The following GPC5 variants were observed in gnomAD, a reference collection of about 807,000 sequenced individuals.
GPC5 encodes glypican-5.
A neutral mutation model predicts 53.9 loss-of-function variants in GPC5; 47 were observed. The ratio of observed to expected loss-of-function variants is 0.87; its 90% CI spans 0.69 to 1.11. The LOEUF (loss-of-function observed/expected upper bound fraction) is 1.11, where lower values mean the gene tolerates loss of function less well. GPC5 is among the 50% of genes most tolerant of loss of function. The pLI is 0.00. For synonymous variants in GPC5, 286 were observed against 263.3 expected, an observed-to-expected ratio of 1.09 and a Z score of -0.84; for missense variants, 748 against 713.1, an observed-to-expected ratio of 1.05 and a Z score of -0.56.
chr13:92,645,774 A>G (rs1027924241), intron 7 of GPC5, among the ~76,000 whole-genome samples: 1 of 152,036 alleles, frequency 6.6e-6, no homozygotes, highest in Non-Finnish European at 1.5e-5. Flanking sequence ...TCCCCTGATG[A>G]TTAATAATTT....
intron 2 of GPC5, among the ~76,000 whole-genome samples, chr13:91,528,269 G>C (rs186496054): frequency 6.6e-6 from 1 of 152,138 alleles, no homozygotes; most frequent in African/African-American, 2.4e-5. Flanking sequence ...AAAAAGCCAG[G>C]TCACCTCTTA....
At chr13:92,524,231 A>T (rs886497204) in intron 7 of GPC5, among the ~76,000 whole-genome samples, 1 of 152,076 alleles carries the variant, frequency 6.6e-6, no homozygotes, top group Non-Finnish European at 1.5e-5. Context: ...TCCTAAGTTT[A>T]TGGAATATTC....
Position 92,476,371 on chromosome 13 carries a change from A to G in GPC5, c.1561+331382A>G, listed in dbSNP as rs1337287863. On this transcript the variant is annotated intron_variant, in intron 7 of 7. Coordinates refer to ENST00000377067, the MANE Select transcript of GPC5 (RefSeq NM_004466.6). ...ACCATCTCACACCAGTTAGAATGGC[A>G]ATCATTAAAAAGTCAGGAAACAACA... Among the ~76,000 whole-genome samples, 36 of 151,448 alleles carry G rather than the reference A, an allele frequency of 2.4e-4. 1 individual carries two copies. The South Asian group carries it at 6.7e-3, about 28-fold the overall frequency.
At chr13:92,542,804 A>G (rs1881973369) in intron 7 of GPC5, among the ~76,000 whole-genome samples, 1 of 151,978 alleles carries the variant, frequency 6.6e-6, no homozygotes, top group Admixed American at 6.6e-5. Flanking sequence ...TTAAATATAT[A>G]ATTCCATGTT....
chr13:92,295,472 A>G (rs2139189731), intron 7 of GPC5, among the ~76,000 whole-genome samples: 1 of 152,118 alleles, frequency 6.6e-6, no homozygotes, highest in East Asian at 1.9e-4. Flanking sequence ...CATGTGGTCC[A>G]TTTGTTCCAG....
chr13:91,538,580 A>T (rs1197392224), intron 2 of GPC5, among the ~76,000 whole-genome samples: 1 of 119,360 alleles, frequency 8.4e-6, no homozygotes, highest in African/African-American at 2.7e-5. Flanking sequence ...CATTGCAAAT[A>T]ATTTTTTTTT....
At chr13:92,502,148 AAAGTT>A (rs1205954407) in intron 7 of GPC5, among the ~76,000 whole-genome samples, 3 of 152,086 alleles carry the variant, frequency 2.0e-5, no homozygotes, top group African/African-American at 7.2e-5. Context: ...TAGAGTGAGA[AAAGTT>A]AAGTATTTGG....
intron 7 of GPC5, among the ~76,000 whole-genome samples, chr13:92,544,685 G>T (rs971689868): frequency 6.6e-6 from 1 of 151,914 alleles, no homozygotes; most frequent in African/African-American, 2.4e-5. Flanking sequence ...TGTATTAGTA[G>T]TGAAACATAA....
intron 7 of GPC5, among the ~76,000 whole-genome samples, chr13:92,364,677 C>T (rs2043594288): frequency 6.6e-6 from 1 of 151,678 alleles, no homozygotes; most frequent in South Asian, 2.1e-4. Context: ...TTGCAGTGAG[C>T]CTAGATCGCG....
chr13:92,003,994 A>G (rs966244781), intron 6 of GPC5, among the ~76,000 whole-genome samples: 9 of 152,212 alleles, frequency 5.9e-5, no homozygotes, highest in African/African-American at 2.2e-4. Context: ...AGTTTTATGA[A>G]GTATATACCA....
At chr13:92,623,894 GC>G (rs983210111) in intron 7 of GPC5, among the ~76,000 whole-genome samples, 1 of 151,792 alleles carries the variant, frequency 6.6e-6, no homozygotes, top group Non-Finnish European at 1.5e-5. Context: ...TTTTGCTCTT[GC>G]CCAGGCCGGA....
chr13:92,404,760 C>T (rs144785280), intron 7 of GPC5, among the ~76,000 whole-genome samples: 14 of 149,636 alleles, frequency 9.4e-5, no homozygotes, highest in African/African-American at 3.2e-4. Context: ...GTTTTTTCTA[C>T]TAAACCAACG....
intron 6 of GPC5, among the ~76,000 whole-genome samples, chr13:92,079,634 A>G (rs1274573496): frequency 6.6e-6 from 1 of 152,162 alleles, no homozygotes; most frequent in Non-Finnish European, 1.5e-5. Context: ...GGATGTCTGC[A>G]CCTGTGGTGT....
At chr13:92,453,860 C>A (rs563842787) in intron 7 of GPC5, among the ~76,000 whole-genome samples, 3 of 152,242 alleles carry the variant, frequency 2.0e-5, no homozygotes, top group South Asian at 4.1e-4. Context: ...ATTACCTTTT[C>A]CTTGTTCCAG....
Position 92,091,364 on chromosome 13 carries a change from G to T in GPC5, c.1402-53466G>T, listed in dbSNP as rs555897766. Among the ~76,000 whole-genome samples the T allele has an allele frequency of 1.7e-4, 26 of 151,930 alleles. No homozygotes were observed. In the South Asian group the frequency reaches 5.2e-3, roughly 30 times the overall value. On this transcript the variant is annotated intron_variant, in intron 6 of 7. Transcript: ENST00000377067. The stretch of plus-strand genomic sequence containing the variant: ...TCTTTTAAAAGTTCATCATTTTGAG[G>T]ATTAAGATTTTCTAATACATCCATA...
intron 7 of GPC5, among the ~76,000 whole-genome samples, chr13:92,787,722 T>C (rs1255344751): frequency 7.6e-6 from 1 of 131,870 alleles, no homozygotes; most frequent in African/African-American, 3.0e-5. Context: ...GAAAAAAAAA[T>C]TGACTGGTCA....
At chr13:91,915,384 A>C (rs1378640901) in intron 6 of GPC5, among the ~76,000 whole-genome samples, 1 of 152,202 alleles carries the variant, frequency 6.6e-6, no homozygotes, top group Non-Finnish European at 1.5e-5. Flanking sequence ...CAACCATTTC[A>C]ATCAGTGTAC....
chr13:92,351,225 C>G, intron 7 of GPC5, among the ~76,000 whole-genome samples: 1 of 151,532 alleles, frequency 6.6e-6, no homozygotes, highest in East Asian at 1.9e-4. Flanking sequence ...AAATAAATAA[C>G]AAACGTACAA....
rs1472771690 is a variant in GPC5 at position 92,475,256 on chromosome 13, G to C, written c.1561+330267G>C. On this transcript the variant is annotated intron_variant, in intron 7 of 7. Coordinates refer to ENST00000377067, the MANE Select transcript of GPC5 (RefSeq NM_004466.6). ...CTGTGAAGAAAGGCATTGGTAGCTT[G>C]ATGGGGATGGCATTGAATCTGTAAA... is the stretch of plus-strand genomic sequence containing the variant. Among the ~76,000 whole-genome samples, 9 of 148,598 alleles carry C rather than the reference G, an allele frequency of 6.1e-5. 1 individual carries two copies. In the South Asian group the frequency reaches 2.0e-3, roughly 32 times the overall value.
Sources: gnomAD v4.1 joint callset for allele counts (sites outside exome capture counted in the v4.1 genomes callset) on GRCh38, gnomAD v4.1.1 for gene constraint, MANE v1.5 for transcripts, NCBI Gene and HGNC (gene_info 2026-07-23, HGNC 2026-07-21) for gene names.